The following GNB1L variants were observed in gnomAD, a reference collection of about 807,000 sequenced individuals.
GNB1L encodes the protein G protein subunit beta 1 like.
GNB1L carries 20 observed loss-of-function variants against 29.1 expected under a neutral mutation model. That is an observed-to-expected ratio of 0.69 (90% CI 0.48 to 1.00). The LOEUF (loss-of-function observed/expected upper bound fraction) is 1.00. Ranked by LOEUF, GNB1L falls within the 50% of genes least tolerant of loss-of-function variation. The probability of loss-of-function intolerance (pLI) is 0.00; values close to 1 mark genes in which losing one functional copy is unlikely to be tolerated. For missense variants in GNB1L, 421 were observed against 464.9 expected (o/e 0.91, Z 0.87); for synonymous variants, 193 against 206.5 (o/e 0.93, Z 0.56).
intron 7 of GNB1L, among the ~76,000 whole-genome samples, chr22:19,789,878 A>G (rs1456707620): frequency 1.3e-5 from 2 of 151,824 alleles, no homozygotes; most frequent in Non-Finnish European, 2.9e-5. Context: ...TAAAATTATT[A>G]GACTTCATAG....
chr22:19,811,974 G>C (rs1016477710), intron 5 of GNB1L, among the ~76,000 whole-genome samples: 3 of 152,190 alleles, frequency 2.0e-5, no homozygotes, highest in African/African-American at 7.2e-5. Flanking sequence ...GGGCCTCCAT[G>C]CTTGGCCATC....
intron 2 of GNB1L, among the ~76,000 whole-genome samples, chr22:19,840,901 C>G (rs1937849751): frequency 6.6e-6 from 1 of 152,174 alleles, no homozygotes; most frequent in Admixed American, 6.5e-5. Flanking sequence ...TAAGCTCAGT[C>G]TAATCGTGAG....
chr22:19,820,519 G>T, intron 4 of GNB1L, 79 bp downstream of exon 4: 2 of 1,471,302 alleles, frequency 1.4e-6, no homozygotes, highest in Non-Finnish European at 9.3e-7. Flanking sequence ...GCCCCTCAGT[G>T]GGGGACACCA....
intron 2 of GNB1L, among the ~76,000 whole-genome samples, chr22:19,843,015 C>T (rs1367176707): frequency 6.6e-6 from 1 of 152,246 alleles, no homozygotes; most frequent in Non-Finnish European, 1.5e-5. Context: ...CAAAGGCGCA[C>T]TTCATAGCTC....
chr22:19,791,871 A>G (rs1043530590), intron 7 of GNB1L, among the ~76,000 whole-genome samples: 1 of 152,156 alleles, frequency 6.6e-6, no homozygotes, highest in Non-Finnish European at 1.5e-5. Flanking sequence ...AAAACTAGAA[A>G]CCAAGCCCTG....
chr22:19,784,489 AAC>A lies in GNB1L; in HGVS notation c.*4218_*4219del, dbSNP rs765729113. On this transcript the variant is annotated 3_prime_UTR_variant, in exon 8 of 8. Coordinates refer to ENST00000329517, the MANE Select transcript of GNB1L (RefSeq NM_053004.3). The stretch of plus-strand genomic sequence containing the variant: ...CAGGGCCGTCTGTTGGCCTGCAGGT[AAC>A]ACGCAGGGAGGAAGGAAAAGGCTCT... 6.6e-6 allele frequency: 1 copy of A among 152,296 alleles called. No individual in the cohort carries two copies. The highest frequency in any genetic ancestry group is 1.5e-5 in the Non-Finnish European group (1 of 68,094). The allele number at this position is 152,296 out of a possible 1,614,324, so 9.4% of individuals were successfully genotyped here.
intron 2 of GNB1L, among the ~76,000 whole-genome samples, chr22:19,852,828 C>T (rs1312659557): frequency 6.6e-6 from 1 of 152,178 alleles, no homozygotes; most frequent in Non-Finnish European, 1.5e-5. Context: ...GTCTTTGAGG[C>T]ACACAGTGGT....
chr22:19,846,721 T>C (rs1316327208), intron 2 of GNB1L: 1 of 357,498 alleles, frequency 2.8e-6, no homozygotes, highest in African/African-American at 2.2e-5. Flanking sequence ...AGTGAGCTTA[T>C]GAGAGATTAG....
intron 2 of GNB1L, among the ~76,000 whole-genome samples, chr22:19,841,708 T>G (rs1405513587): frequency 6.6e-6 from 1 of 152,224 alleles, no homozygotes; most frequent in African/African-American, 2.4e-5. Flanking sequence ...ATTTACTATC[T>G]TATTTTTGCC....
At chr22:19,825,469 T>G (rs1349914734) in intron 2 of GNB1L, among the ~76,000 whole-genome samples, 1 of 144,038 alleles carries the variant, frequency 6.9e-6, no homozygotes, top group African/African-American at 2.6e-5. Flanking sequence ...AAAATAAAAA[T>G]AAATTAGCCA....
Position 19,821,957 on chromosome 22 carries a change from T to G in GNB1L, c.-20-582A>C, listed in dbSNP as rs570050341. ...CTTGGGAGCCACCCTCCCTCCCTGC[T>G]GGCAAATCCAGTCTCCCTTCTTCTC... On this transcript the variant is annotated intron_variant, in intron 2 of 7. Transcript: ENST00000329517. Among the ~76,000 whole-genome samples the G allele has an allele frequency of 1.7e-4, 26 of 152,296 alleles. No individual in the cohort carries two copies. In the South Asian group the frequency reaches 5.4e-3, roughly 32 times the overall value.
intron 7 of GNB1L, among the ~76,000 whole-genome samples, chr22:19,797,004 A>G (rs926960897): frequency 1.3e-5 from 2 of 152,250 alleles, no homozygotes; most frequent in Non-Finnish European, 2.9e-5. Context: ...CACTAGGAAT[A>G]CAACCTTCAG....
At position 19,843,689 on chromosome 22, in the gene GNB1L, G is replaced by T. The variant is rs548391997; in HGVS notation, c.-21+10754C>A. Among the ~76,000 whole-genome samples, 4 of 152,338 alleles carry T rather than the reference G, an allele frequency of 2.6e-5. No individual in the cohort carries two copies. The South Asian group carries it at 6.2e-4, about 24-fold the overall frequency. ...CCTGAACCAGCTCAGTGCAGGGAGG[G>T]GAACCCGAGCCCCGGCTGCCCAGAG... On this transcript the variant is annotated intron_variant, in intron 2 of 7. Coordinates refer to ENST00000329517, the MANE Select transcript of GNB1L (RefSeq NM_053004.3).
Position 19,852,195 on chromosome 22 carries a change from T to C in GNB1L, c.-21+2248A>G, listed in dbSNP as rs764888651. ...TCCATCTGCTGCCATGGATGTGCGT[T>C]GGCATAATTGGCGGCTGCCCAGATG... On this transcript the variant is annotated intron_variant, in intron 2 of 7. Transcript: ENST00000329517. The C allele has an allele frequency of 1.9e-6, 3 of 1,613,706 alleles. No homozygotes were observed. The African/African-American group carries it at 4.0e-5, about 22-fold the overall frequency.
At chr22:19,819,440 C>A (rs1373613942) in intron 4 of GNB1L, among the ~76,000 whole-genome samples, 1 of 152,190 alleles carries the variant, frequency 6.6e-6, no homozygotes, top group Non-Finnish European at 1.5e-5. Flanking sequence ...CAATGCGGAC[C>A]CCTGGCCAGG....
chr22:19,815,221 C>T (rs183860888), intron 4 of GNB1L, among the ~76,000 whole-genome samples: 49 of 152,278 alleles, frequency 3.2e-4, no homozygotes, highest in Non-Finnish European at 4.6e-4. Context: ...CCAGGAGGGC[C>T]GTGCGGTGTG....
chr22:19,786,486 A>G lies in GNB1L; in HGVS notation c.*2223T>C, dbSNP rs1437434108. Reference sequence around the variant, plus strand: ...TCGCCAACCTCATGCTGGCATGCACACCTGGGCCCTCATGTGGGATACCCA... The same window carrying G: ...TCGCCAACCTCATGCTGGCATGCACGCCTGGGCCCTCATGTGGGATACCCA... On this transcript the variant is annotated 3_prime_UTR_variant, in exon 8 of 8. Coordinates refer to ENST00000329517, the MANE Select transcript of GNB1L (RefSeq NM_053004.3). 6.6e-6 allele frequency: 1 copy of G among 152,398 alleles called. No individual in the cohort carries two copies. Among genetic ancestry groups the G allele is most frequent in the African/African-American group, 2.4e-5 (1 of 41,456 alleles). 9.4% of individuals were successfully genotyped at this position (152,398 alleles called of 1,614,324 possible). A position where few individuals can be genotyped will look rare whatever the true frequency, so the allele number is the denominator to read the frequency against.
Position 19,785,582 on chromosome 22 carries a change from C to G in GNB1L, c.*3127G>C, listed in dbSNP as rs1283005702. The G allele has an allele frequency of 6.6e-6, 1 of 152,250 alleles. No homozygotes were observed. The highest frequency in any genetic ancestry group is 6.5e-5 in the Admixed American group (1 of 15,286). 9.4% of individuals were successfully genotyped at this position (152,250 alleles called of 1,614,324 possible). A position where few individuals can be genotyped will look rare whatever the true frequency, so the allele number is the denominator to read the frequency against. On this transcript the variant is annotated 3_prime_UTR_variant, in exon 8 of 8. Coordinates refer to ENST00000329517, the MANE Select transcript of GNB1L (RefSeq NM_053004.3). The surrounding 1 kb of genome is among the most constrained non-coding windows in gnomAD (Gnocchi z 4.1). ...GGAAGATGTGGAAGGGCTGCCTCTC[C>G]CAGTTGGTGGGTTGGCCAGGGGCGT...
chr22:19,810,717 C>T (rs951283723), intron 5 of GNB1L, among the ~76,000 whole-genome samples: 3 of 152,006 alleles, frequency 2.0e-5, no homozygotes, highest in Non-Finnish European at 2.9e-5. Flanking sequence ...GGTGGGAGTG[C>T]GGCTCCCTGG....
Sources: allele counts gnomAD v4.1 joint callset (sites outside exome capture counted in the v4.1 genomes callset), GRCh38; gene constraint gnomAD v4.1.1; non-coding constraint Gnocchi (gnomAD v3.1); transcripts MANE v1.5; gene names NCBI Gene and HGNC (gene_info 2026-07-23, HGNC 2026-07-21).